Variants in GPC1 observed in about 807,000 individuals in gnomAD.
GPC1 encodes glypican-1.
A neutral mutation model predicts 51.5 loss-of-function variants in GPC1; 26 were observed. That is an observed-to-expected ratio of 0.50 (90% confidence interval 0.37 to 0.70). The LOEUF is 0.70. Ranked by LOEUF, GPC1 falls within the 30% of genes least tolerant of loss-of-function variation. GPC1 has a pLI of 0.00. For synonymous variants in GPC1, 380 were observed against 348.3 expected (o/e 1.09, Z -1.01); for missense variants, 775 against 800.5 (o/e 0.97, Z 0.38).
rs201152753 is a variant in GPC1 at position 240,465,480 on chromosome 2, C to G, written c.1276C>G (p.Pro426Ala). Residue 426 changes from proline (P) to alanine (A), a missense_variant, in exon 8 of 9, where the codon CCC becomes GCC. Physicochemically the swap from Pro to Ala is conservative, Grantham distance 27. Transcript: ENST00000264039. Reference protein sequence around the residue: ...WNGMARGRYLPEVMGDGLANQ... With the variant: ...WNGMARGRYLAEVMGDGLANQ... ...TGCCTGCCTTTCCCCCAGGTACCTCCCCGAGGTCATGGGTGACGGCCTGGC... is the reference window on the plus strand; with the variant it reads ...TGCCTGCCTTTCCCCCAGGTACCTCGCCGAGGTCATGGGTGACGGCCTGGC... 1.5e-4 allele frequency: 242 copies of G among 1,612,808 alleles called. No individual in the cohort carries two copies. Among genetic ancestry groups the G allele is most frequent in the Non-Finnish European group, 1.8e-4 (214 of 1,179,894 alleles).
chr2:240,438,037 G>A (rs970586653), intron 1 of GPC1, among the ~76,000 whole-genome samples: 1 of 152,202 alleles, frequency 6.6e-6, no homozygotes, highest in Non-Finnish European at 1.5e-5. Flanking sequence ...GGCAGATTGT[G>A]TTGATTTCTC....
chr2:240,449,082 C>A (rs2074073297), intron 1 of GPC1, among the ~76,000 whole-genome samples: 1 of 152,132 alleles, frequency 6.6e-6, no homozygotes, highest in African/African-American at 2.4e-5. Context: ...TGGGGGTGGT[C>A]CTGTCTGCCT....
At chr2:240,449,429 C>T in intron 1 of GPC1, 1 of 176,346 alleles carries the variant, frequency 5.7e-6, no homozygotes, top group Non-Finnish European at 1.2e-5. Context: ...GCAGTGTGTC[C>T]CAAATACTTT....
At position 240,467,855 on chromosome 2, in the gene GPC1, G is replaced by C. The variant is rs755992548; in HGVS notation, c.*1565G>C. ...GGGGACTCTGGCACAGTGATGCCGG[G>C]CGCCAGGACAGCAGCACTCCCGCTG... On this transcript the variant is annotated 3_prime_UTR_variant, in exon 9 of 9. Transcript: ENST00000264039. 2 of 152,252 alleles carry C rather than the reference G, an allele frequency of 1.3e-5. No homozygotes were observed. Among genetic ancestry groups the C allele is most frequent in the Non-Finnish European group, 2.9e-5 (2 of 68,106 alleles). 9.4% of individuals were successfully genotyped at this position (152,252 alleles called of 1,614,324 possible).
intron 1 of GPC1, among the ~76,000 whole-genome samples, chr2:240,447,745 C>T (rs191186513): frequency 1.1e-4 from 16 of 152,326 alleles, no homozygotes; most frequent in Middle Eastern, 3.4e-3. Context: ...AAGGCTGGCC[C>T]GCCCTCTGCC....
At chr2:240,442,824 C>G (rs1338101104) in intron 1 of GPC1, among the ~76,000 whole-genome samples, 3 of 152,260 alleles carry the variant, frequency 2.0e-5, no homozygotes, top group Non-Finnish European at 4.4e-5. Context: ...CTCCTGAGCA[C>G]TGGGCCGTGT....
chr2:240,463,655 G>C, intron 4 of GPC1, 143 bp downstream of exon 4: 1 of 668,092 alleles, frequency 1.5e-6, no homozygotes, highest in Non-Finnish European at 2.5e-6. Flanking sequence ...GATCTGGGTG[G>C]TGCTGCAGGG....
chr2:240,455,906 G>C (rs2074155512), intron 1 of GPC1: 1 of 319,654 alleles, frequency 3.1e-6, no homozygotes, highest in African/African-American at 2.3e-5. Context: ...CGTGCGTCCA[G>C]CCTGCAGCGG....
intron 1 of GPC1, chr2:240,455,168 GC>G: frequency 6.4e-6 from 1 of 157,054 alleles, no homozygotes. Flanking sequence ...AACCTGAGGA[GC>G]AGGAGCCTGG....
chr2:240,456,861 G>A, intron 1 of GPC1: 1 of 306,250 alleles, frequency 3.3e-6, no homozygotes, highest in Non-Finnish European at 6.7e-6. Flanking sequence ...CAGTCTTCTT[G>A]CCTGAGGGCG....
In GPC1 at chr2:240,448,380, TAGTCCCTGCCAGGCAGTCCAGGTGTAGAC is replaced by T. The variant is rs1559195828; in HGVS notation, c.167-10630_167-10602del. ...GTCTGCCAGGCAGTCCGGGTGTAGA[TAGTCCCTGCCAGGCAGTCCAGGTGTAGAC>T]AGTCCCTGCCAGGCAGTCCGGGTGT... is the stretch of plus-strand genomic sequence containing the variant. On this transcript the variant is annotated intron_variant, in intron 1 of 8. Coordinates refer to ENST00000264039, the MANE Select transcript of GPC1 (RefSeq NM_002081.3). The surrounding 1 kb of genome is among the most constrained non-coding windows in gnomAD (Gnocchi z 4.5). Among the ~76,000 whole-genome samples, 1 of 127,022 alleles carries T rather than the reference TAGTCCCTGCCAGGCAGTCCAGGTGTAGAC, an allele frequency of 7.9e-6. No homozygotes were observed. The allele number at this position is 127,022 out of a possible 152,430, so 83.3% of individuals were successfully genotyped here.
chr2:240,460,296 A>T (rs1420622142), intron 2 of GPC1, among the ~76,000 whole-genome samples: 5 of 151,100 alleles, frequency 3.3e-5, no homozygotes, highest in Non-Finnish European at 7.4e-5. Context: ...CCCCTCTGGG[A>T]CTCTCCTTCC....
chr2:240,450,758 C>G (rs547980929), intron 1 of GPC1: 8 of 470,002 alleles, frequency 1.7e-5, no homozygotes, highest in South Asian at 1.2e-4. Flanking sequence ...AGATTCCCCC[C>G]GACATCATTT....
At chr2:240,455,872 G>A (rs997161798) in intron 1 of GPC1, 9 of 286,414 alleles carry the variant, frequency 3.1e-5, no homozygotes, top group East Asian at 3.4e-4. Context: ...GGAAGCCAGC[G>A]GGAGGCCTCC....
chr2:240,438,432 C>T (rs567962006), intron 1 of GPC1, among the ~76,000 whole-genome samples: 1 of 152,310 alleles, frequency 6.6e-6, no homozygotes, highest in East Asian at 1.9e-4. Context: ...CTCCGTGGAA[C>T]GGGCGCCCTC....
Position 240,466,569 on chromosome 2 carries a change from T to A in GPC1, c.*279T>A. ...AGGGGCACCTCCGGCTGCCTAGCCC[T>A]CCCCCCAGCTCCCTGCACCGCCGCA... On this transcript the variant is annotated 3_prime_UTR_variant, in exon 9 of 9. Transcript: ENST00000264039. The A allele has an allele frequency of 2.3e-6, 1 of 440,404 alleles. No homozygotes were observed. Among genetic ancestry groups the A allele is most frequent in the South Asian group, 4.1e-5 (1 of 24,474 alleles). 27.3% of individuals were successfully genotyped at this position (440,404 alleles called of 1,614,324 possible). A position where few individuals can be genotyped will look rare whatever the true frequency, so the allele number is the denominator to read the frequency against.
chr2:240,453,620 C>A (rs2074126673), intron 1 of GPC1, among the ~76,000 whole-genome samples: 1 of 145,132 alleles, frequency 6.9e-6, no homozygotes, highest in Non-Finnish European at 1.5e-5. Flanking sequence ...CCTCCCCTCG[C>A]CTGCCCGCCG....
rs1357087382 is a variant in GPC1 at position 240,459,154 on chromosome 2, G to A, written c.291G>A (p.Gln97=). 1.9e-6 allele frequency: 3 copies of A among 1,612,520 alleles called. No homozygotes were observed. In the Admixed American group the frequency reaches 5.0e-5, roughly 27 times the overall value. The change falls in exon 2 of 9, where the codon CAG becomes CAA. Residue 97 remains glutamine, a synonymous_variant. Transcript: ENST00000264039. The stretch of plus-strand genomic sequence containing the variant: ...TCCGGGACAGCAGCCGCGTCCTGCA[G>A]GCCATGCTTGCCACCCAGCTGCGCA... ...TALRDSSRVL[Q]AMLATQLRSF...
At chr2:240,464,825 AC>A (rs1474705388) in intron 5 of GPC1, 30 bp from the exon 6 acceptor site, 6 of 1,561,972 alleles carry the variant, frequency 3.8e-6, no homozygotes, top group Non-Finnish European at 5.2e-6. Flanking sequence ...GGGCCCCACT[AC>A]CCCCCAAGGA....
Sources: allele counts gnomAD v4.1 joint callset (sites outside exome capture counted in the v4.1 genomes callset), GRCh38; gene constraint gnomAD v4.1.1; non-coding constraint Gnocchi (gnomAD v3.1); transcripts MANE v1.5; gene names NCBI Gene and HGNC (gene_info 2026-07-23, HGNC 2026-07-21).